HERC1: variants seen among roughly 807,000 people sequenced by gnomAD.
HERC1 encodes HECT and RLD domain containing E3 ubiquitin protein ligase family member 1.
Under a neutral mutation model 554.3 loss-of-function variants are expected in HERC1, and 160 were observed. The ratio of observed to expected loss-of-function variants is 0.29; its 90% confidence interval spans 0.25 to 0.33. The LOEUF is 0.33. Among genes scored for constraint, HERC1 ranks in the 10% least tolerant of loss-of-function variants. HERC1 has a pLI of 1.00. For missense variants in HERC1, 4,919 were observed against 5,918.5 expected (o/e 0.83, Z 5.54); for synonymous variants, 2,175 against 2,131.7 (o/e 1.02, Z -0.56).
At chr15:63,744,691 G>A (rs950204491) in intron 12 of HERC1, among the ~76,000 whole-genome samples, 2 of 152,092 alleles carry the variant, frequency 1.3e-5, no homozygotes. Context: ...TAAGGCCCAG[G>A]GATTCTTAAG....
At chr15:63,786,720 G>C (rs1220309896) in intron 1 of HERC1, among the ~76,000 whole-genome samples, 1 of 152,156 alleles carries the variant, frequency 6.6e-6, no homozygotes, top group East Asian at 1.9e-4. Context: ...CTTAGAGATA[G>C]AAAGTAGATT....
chr15:63,816,271 A>C (rs571142250), intron 1 of HERC1, among the ~76,000 whole-genome samples: 2 of 152,360 alleles, frequency 1.3e-5, no homozygotes, highest in Admixed American at 6.5e-5. Context: ...AAGAGAGAAT[A>C]AAGTACACAT....
chr15:63,746,899 A>G lies in HERC1; in HGVS notation c.2520+19T>C, dbSNP rs1205332250. 3 of 1,548,824 alleles carry G rather than the reference A, an allele frequency of 1.9e-6. No homozygotes were observed. The highest frequency in any genetic ancestry group is 2.7e-5 in the African/African-American group (2 of 72,974). The stretch of plus-strand genomic sequence containing the variant: ...AAGACGTGGTTTGAGATACAGATTC[A>G]CAAGTCCTATTCTCTTACCTCTTGG... On this transcript the variant is annotated intron_variant, in intron 12 of 77. Coordinates refer to ENST00000443617, the MANE Select transcript of HERC1 (RefSeq NM_003922.4).
intron 55 of HERC1, 79 bp from the exon 56 acceptor site, chr15:63,645,761 A>G: frequency 1.3e-6 from 1 of 794,974 alleles, no homozygotes; most frequent in Non-Finnish European, 1.9e-6. Context: ...TACATAACTT[A>G]TATTTCTTAG....
intron 1 of HERC1, among the ~76,000 whole-genome samples, chr15:63,790,062 AT>A (rs1046605270): frequency 2.6e-5 from 4 of 152,074 alleles, no homozygotes; most frequent in Non-Finnish European, 4.4e-5. Context: ...AAGTTGCTTA[AT>A]TTCCCCATGG....
intron 6 of HERC1, 118 bp from the exon 7 acceptor site, chr15:63,754,766 C>G: frequency 2.0e-6 from 2 of 985,340 alleles, no homozygotes; most frequent in South Asian, 3.5e-5. Context: ...TTTTTTAATG[C>G]AATGCAATAT....
At chr15:63,673,534 C>A (rs1012647735) in intron 38 of HERC1, among the ~76,000 whole-genome samples, 6 of 152,198 alleles carry the variant, frequency 3.9e-5, no homozygotes, top group African/African-American at 1.4e-4. Context: ...AAGTACCCAA[C>A]ACATAGTAGG....
chr15:63,701,030 G>GT (rs2153076606), intron 25 of HERC1, among the ~76,000 whole-genome samples: 1 of 151,516 alleles, frequency 6.6e-6, no homozygotes, highest in Admixed American at 6.6e-5. Flanking sequence ...TTTTGGGGGG[G>GT]TGTTTTTTTT....
In HERC1 at chr15:63,651,324, A is replaced by G. The variant is rs752824148; in HGVS notation, c.10475T>C (p.Val3492Ala). Residue 3492 changes from valine to alanine, a missense_variant, in exon 53 of 78, where the codon GTT becomes GCT. Coordinates refer to ENST00000443617, the MANE Select transcript of HERC1 (RefSeq NM_003922.4). ...ATATTTGCCACTGATACTCCAGGAA[A>G]CTGGTGAGAAACTTGGATCACTGGG... is the stretch of plus-strand genomic sequence containing the variant. ...GSPSDPSFSP[V>A]SWSISGKYLA... The G allele has an allele frequency of 1.2e-6, 2 of 1,613,842 alleles. No homozygotes were observed. Among genetic ancestry groups the G allele is most frequent in the Non-Finnish European group, 1.7e-6 (2 of 1,179,744 alleles).
At chr15:63,814,694 C>T (rs2077436593) in intron 1 of HERC1, among the ~76,000 whole-genome samples, 1 of 152,202 alleles carries the variant, frequency 6.6e-6, no homozygotes, top group Admixed American at 6.5e-5. Flanking sequence ...GTCTTGAACT[C>T]CTGGCCTCAA....
intron 12 of HERC1, among the ~76,000 whole-genome samples, chr15:63,736,177 A>G (rs2074495812): frequency 6.6e-6 from 1 of 152,226 alleles, no homozygotes; most frequent in African/African-American, 2.4e-5. Context: ...AGAAAAACCA[A>G]AAAACACTTT....
At chr15:63,753,963 C>T (rs1436311268) in intron 7 of HERC1, among the ~76,000 whole-genome samples, 1 of 151,966 alleles carries the variant, frequency 6.6e-6, no homozygotes, top group Non-Finnish European at 1.5e-5. Flanking sequence ...CACTTGAGCC[C>T]AGAAGTTCGA....
At chr15:63,719,369 A>T (rs2073707974) in intron 19 of HERC1, among the ~76,000 whole-genome samples, 1 of 152,362 alleles carries the variant, frequency 6.6e-6, no homozygotes, top group South Asian at 2.1e-4. Context: ...GATGGGTTCA[A>T]GGAGGCCAGT....
chr15:63,613,844 A>G (rs2067704201), intron 76 of HERC1, among the ~76,000 whole-genome samples: 1 of 152,048 alleles, frequency 6.6e-6, no homozygotes, highest in South Asian at 2.1e-4. Context: ...ATAATAAAAA[A>G]CTGGCACTAA....
At chr15:63,785,241 T>C (rs187626048) in intron 1 of HERC1, among the ~76,000 whole-genome samples, 1,660 of 151,868 alleles carry the variant, frequency 0.011, 14 homozygotes, top group Non-Finnish European at 0.018. Context: ...CTGAGCAACA[T>C]AGCAAGACAT....
chr15:63,705,501 T>C (rs1218794402), intron 25 of HERC1, among the ~76,000 whole-genome samples: 1 of 151,642 alleles, frequency 6.6e-6, no homozygotes, highest in African/African-American at 2.4e-5. Context: ...GCTATATACA[T>C]GAAAATGAAA....
chr15:63,694,810 G>C lies in HERC1; in HGVS notation c.5206C>G (p.Leu1736Val). Reference sequence around the variant, plus strand: ...TTGTTTGCTTGCAGGGCTCTTTCCAGGGTAGCAGACAACTGTTGATAAATT... The same window carrying C: ...TTGTTTGCTTGCAGGGCTCTTTCCACGGTAGCAGACAACTGTTGATAAATT... ...HKIYQQLSAT[L>V]ERALQANKHH... The change falls in exon 28 of 78, where the codon CTG becomes GTG. Residue 1736 changes from leucine (L) to valine (V), a missense_variant. By Grantham distance (32) the Leu-to-Val change is conservative. Around this residue, in one of 11 missense-constraint regions of HERC1, gnomAD observed 1,121 missense variants for 1,244.0 expected, o/e 0.90. Transcript: ENST00000443617. This position sits in a 1 kb window ranked among gnomAD's most constrained non-coding sequence, Gnocchi z 4.3. The C allele has an allele frequency of 6.2e-7, 1 of 1,613,908 alleles. No homozygotes were observed. Among genetic ancestry groups the C allele is most frequent in the Non-Finnish European group, 8.5e-7 (1 of 1,179,842 alleles).
rs139212149 is a variant in HERC1 at position 63,652,417 on chromosome 15, C to T, written c.10415G>A (p.Arg3472Lys). Residue 3472 changes from arginine to lysine, a missense_variant, in exon 52 of 78, where the codon AGA (arginine) becomes AAA (lysine). Arg to Lys is a conservative substitution (Grantham distance 26). Around this residue, in one of 11 missense-constraint regions of HERC1, gnomAD observed 1,963 missense variants for 2,228.6 expected, o/e 0.88. Transcript: ENST00000443617. Reference protein sequence around the residue: ...YSLQQTCVFNRLEGDAEESLG... With the variant: ...YSLQQTCVFNKLEGDAEESLG... ...TACACGTGATGTTAGCACTCACAAT[C>T]TGTTGAACACACAGGTCTGTTGCAG... The T allele has an allele frequency of 1.2e-6, 2 of 1,612,354 alleles. No individual in the cohort carries two copies. The highest frequency in any genetic ancestry group is 8.5e-7 in the Non-Finnish European group (1 of 1,178,998).
intron 54 of HERC1, among the ~76,000 whole-genome samples, chr15:63,649,060 A>G (rs1595890529): frequency 6.6e-6 from 1 of 152,212 alleles, no homozygotes; most frequent in South Asian, 2.1e-4. Context: ...TTTTTAAAAG[A>G]CAATTTCATC....
Sources: gnomAD v4.1 joint callset for allele counts (sites outside exome capture counted in the v4.1 genomes callset) on GRCh38, gnomAD v4.1.1 for gene constraint, gnomAD v4.1.1 regional missense constraint, Gnocchi (gnomAD v3.1) non-coding constraint, MANE v1.5 for transcripts, NCBI Gene and HGNC (gene_info 2026-07-23, HGNC 2026-07-21) for gene names.